SMG6: variants seen among roughly 807,000 people sequenced by gnomAD.
SMG6 encodes SMG6 nonsense mediated mRNA decay factor.
In SMG6, 66 loss-of-function variants were observed where a neutral mutation model predicts 142.2. The ratio of observed to expected loss-of-function variants is 0.46; its 90% CI spans 0.38 to 0.57. The LOEUF (loss-of-function observed/expected upper bound fraction) is 0.57. Ranked by LOEUF, SMG6 falls within the 20% of genes least tolerant of loss-of-function variation. The pLI is 0.00. For missense variants in SMG6, 1,793 were observed against 1,832.0 expected, an observed-to-expected ratio of 0.98 and a Z score of 0.39; for synonymous variants, 779 against 702.4, an observed-to-expected ratio of 1.11 and a Z score of -1.72.
rs763042110 is a variant in SMG6, at chr17:2,299,469, C to T, written c.1284G>A (p.Ala428=). 9.3e-6 allele frequency: 15 copies of T among 1,614,042 alleles called. 1 individual carries two copies. Among genetic ancestry groups the T allele is most frequent in the African/African-American group, 6.7e-5 (5 of 74,918 alleles). The change falls in exon 2 of 19, where the codon GCG becomes GCA. Residue 428 remains alanine, a synonymous_variant. Transcript: ENST00000263073. This position sits in a 1 kb window ranked among gnomAD's most constrained non-coding sequence, Gnocchi z 4.3. ...SVNSAGSPES[A]PLGPRLLFGS... ...CAAACAAAAGCCGAGGTCCCAAAGG[C>T]GCGGACTCTGGAGAACCTGCTGAAT...
At chr17:2,107,186 G>A (rs2069178789) in intron 13 of SMG6, among the ~76,000 whole-genome samples, 1 of 152,122 alleles carries the variant, frequency 6.6e-6, no homozygotes, top group Admixed American at 6.6e-5. Context: ...GGCATGTGAA[G>A]TTCCCTGTCT....
In SMG6 at chr17:2,081,860, C is replaced by A; in HGVS notation, c.3631G>T (p.Ala1211Ser). The A allele has an allele frequency of 6.2e-7, 1 of 1,614,078 alleles. No homozygotes were observed. The highest frequency in any genetic ancestry group is 8.5e-7 in the Non-Finnish European group (1 of 1,180,036). The change falls in exon 15 of 19, where the codon GCT becomes TCT. Residue 1211 changes from alanine to serine, a missense_variant. Coordinates refer to ENST00000263073, the MANE Select transcript of SMG6 (RefSeq NM_017575.5). ...DIRELRAKKL[A>S]LARKIAEQQR... Reference sequence around the variant, plus strand: ...TGCTCAGCTATCTTCCTGGCCAGAGCCAGCTTCTTGGCCCGAAGCTCCCTG... The same window carrying A: ...TGCTCAGCTATCTTCCTGGCCAGAGACAGCTTCTTGGCCCGAAGCTCCCTG...
intron 3 of SMG6, 41 bp from the exon 4 acceptor site, chr17:2,297,394 T>C (rs757400569): frequency 1.4e-6 from 2 of 1,453,946 alleles, no homozygotes; most frequent in Admixed American, 4.0e-5. Context: ...CAATCTATTC[T>C]AATCCAACCT....
chr17:2,110,337 AT>A (rs1337755608), intron 13 of SMG6, among the ~76,000 whole-genome samples: 2 of 152,050 alleles, frequency 1.3e-5, no homozygotes, highest in African/African-American at 4.8e-5. Context: ...CCCACCTTTG[AT>A]TTTTAGGCCC....
intron 13 of SMG6, among the ~76,000 whole-genome samples, chr17:2,131,019 T>A (rs558628363): frequency 5.3e-5 from 8 of 152,118 alleles, no homozygotes; most frequent in African/African-American, 1.9e-4. Context: ...AAAGATCAAA[T>A]GACAAACTCC....
chr17:2,277,010 A>T (rs1597766502), intron 8 of SMG6, among the ~76,000 whole-genome samples: 1 of 151,642 alleles, frequency 6.6e-6, no homozygotes, highest in South Asian at 2.1e-4. Flanking sequence ...CGAACTCCCA[A>T]CCTCAAGTGA....
intron 10 of SMG6, among the ~76,000 whole-genome samples, chr17:2,192,472 C>T (rs768412815): frequency 9.9e-5 from 15 of 152,136 alleles, no homozygotes; most frequent in Non-Finnish European, 1.5e-4. Context: ...CTGGGGTCCA[C>T]GAGCCATTCC....
At chr17:2,292,226 G>C (rs2075053737) in intron 6 of SMG6, among the ~76,000 whole-genome samples, 2 of 152,208 alleles carry the variant, frequency 1.3e-5, no homozygotes, top group Non-Finnish European at 2.9e-5. Flanking sequence ...GAGTTGCCTA[G>C]TTCAACAGAA....
intron 14 of SMG6, 42 bp from the exon 15 acceptor site, chr17:2,081,998 A>G: frequency 1.2e-6 from 2 of 1,610,712 alleles, no homozygotes; most frequent in Non-Finnish European, 1.7e-6. Flanking sequence ...GGAGACAGTT[A>G]GCTGGGCCCA....
chr17:2,161,291 A>G (rs534170255), intron 13 of SMG6, among the ~76,000 whole-genome samples: 2 of 151,950 alleles, frequency 1.3e-5, no homozygotes, highest in African/African-American at 4.8e-5. Context: ...TTTAGTAGAG[A>G]TGGGGTTTCA....
intron 13 of SMG6, among the ~76,000 whole-genome samples, chr17:2,094,299 G>GTCACCC: frequency 6.6e-6 from 1 of 152,222 alleles, no homozygotes; most frequent in East Asian, 1.9e-4. Flanking sequence ...ACCCCAGGCT[G>GTCACCC]CGGTGCAGTG....
intron 13 of SMG6, among the ~76,000 whole-genome samples, chr17:2,123,274 A>G (rs1373374325): frequency 6.6e-6 from 1 of 152,118 alleles, no homozygotes; most frequent in Non-Finnish European, 1.5e-5. Context: ...AGGGGAGGGG[A>G]GGAGTAGACC....
intron 13 of SMG6, among the ~76,000 whole-genome samples, chr17:2,148,623 C>A (rs2070738033): frequency 6.6e-6 from 1 of 152,122 alleles, no homozygotes; most frequent in Non-Finnish European, 1.5e-5. Flanking sequence ...CTTTGAGAGG[C>A]CAAGGCGGGC....
chr17:2,212,410 G>C (rs2072892096), intron 10 of SMG6, among the ~76,000 whole-genome samples: 2 of 152,210 alleles, frequency 1.3e-5, no homozygotes, highest in African/African-American at 2.4e-5. Flanking sequence ...TCTGGCAGTT[G>C]CTGTTCGTGG....
chr17:2,202,266 G>A (rs949053089), intron 10 of SMG6, among the ~76,000 whole-genome samples: 6 of 152,144 alleles, frequency 3.9e-5, no homozygotes, highest in African/African-American at 9.7e-5. Context: ...TTAATCATTC[G>A]AATGTCAAAA....
rs533928447 is a variant in SMG6, at chr17:2,188,536, C to G, written c.2870-21G>C. 94 of 1,605,218 alleles carry G rather than the reference C, an allele frequency of 5.9e-5. 2 individuals are homozygous for G. The South Asian group carries it at 9.6e-4, about 16-fold the overall frequency. ...GCAGTCTGCGGACAGGCAAATGAAACTCTCAGCGCCCCAGGCGGACAAGAT... is the reference window on the plus strand; with the variant it reads ...GCAGTCTGCGGACAGGCAAATGAAAGTCTCAGCGCCCCAGGCGGACAAGAT... On this transcript the variant is annotated intron_variant, in intron 10 of 18. Coordinates refer to ENST00000263073, the MANE Select transcript of SMG6 (RefSeq NM_017575.5).
intron 13 of SMG6, among the ~76,000 whole-genome samples, chr17:2,108,085 T>G (rs987278966): frequency 2.6e-5 from 4 of 152,170 alleles, no homozygotes; most frequent in African/African-American, 4.8e-5. Flanking sequence ...TTTTGTTTTG[T>G]TTTTTACATC....
In SMG6 at chr17:2,166,548, C is replaced by T. The variant is rs575167456; in HGVS notation, c.3357+6110G>A. 2.0e-5 allele frequency among the ~76,000 whole-genome samples: 3 copies of T among 152,306 alleles called. No individual in the cohort carries two copies. In the East Asian group the frequency reaches 5.8e-4, roughly 29 times the overall value. On this transcript the variant is annotated intron_variant, in intron 13 of 18. Transcript: ENST00000263073. ...TCACAGCTCACTGCAGCCTAGACGG[C>T]CAGGGCTGAAGTAATTCTTCCACCT... is the stretch of plus-strand genomic sequence containing the variant.
chr17:2,063,750 T>A (rs2067854243), intron 18 of SMG6, among the ~76,000 whole-genome samples: 1 of 151,740 alleles, frequency 6.6e-6, no homozygotes, highest in Non-Finnish European at 1.5e-5. Context: ...GAGAGGCTTG[T>A]GGGGTTGGTG....
Sources: allele counts gnomAD v4.1 joint callset (sites outside exome capture counted in the v4.1 genomes callset), GRCh38; gene constraint gnomAD v4.1.1; non-coding constraint Gnocchi (gnomAD v3.1); transcripts MANE v1.5; gene names NCBI Gene and HGNC (gene_info 2026-07-23, HGNC 2026-07-21).